BANP: variants seen among roughly 807,000 people sequenced by gnomAD.
The protein encoded by BANP is BTG3 associated nuclear protein.
Under a neutral mutation model 68.1 loss-of-function variants are expected in BANP, and 11 were observed. The ratio of observed to expected loss-of-function variants is 0.16; its 90% CI spans 0.10 to 0.27. The LOEUF is 0.27. BANP is among the 10% of genes least tolerant of loss of function. The pLI, the probability that BANP is intolerant of heterozygous loss-of-function variation, is 1.00. For synonymous variants in BANP, 329 were observed against 303.2 expected (o/e 1.09, Z -0.88); for missense variants, 504 against 722.7 (o/e 0.70, Z 3.47).
chr16:88,033,404 C>T (rs569463031), intron 9 of BANP, among the ~76,000 whole-genome samples, 159 bp downstream of exon 9: 2 of 152,288 alleles, frequency 1.3e-5, no homozygotes, highest in East Asian at 1.9e-4. Context: ...TCATCGTGGC[C>T]ATGAGCTCTT....
rs201112885 is a variant in BANP at position 88,035,308 on chromosome 16, C to T, written c.1201-15C>T. 1.2e-5 allele frequency: 20 copies of T among 1,600,584 alleles called. No individual in the cohort carries two copies. The highest frequency in any genetic ancestry group is 1.7e-6 in the Non-Finnish European group (2 of 1,173,720). ...ATTTTCTTCTGATGCTTCTTGGTGT[C>T]TTTTCTTGCTGCGGATCCCACAGGG... On this transcript the variant is annotated splice_polypyrimidine_tract_variant and intron_variant, in intron 9 of 13. Transcript: ENST00000682872.
intron 5 of BANP, among the ~76,000 whole-genome samples, chr16:88,005,797 G>C (rs1475884690): frequency 6.6e-6 from 1 of 152,244 alleles, no homozygotes; most frequent in Non-Finnish European, 1.5e-5. Context: ...GATGACTACT[G>C]AACTCAGAAG....
At chr16:87,980,058 G>T (rs2062957809) in intron 2 of BANP, among the ~76,000 whole-genome samples, 1 of 152,230 alleles carries the variant, frequency 6.6e-6, no homozygotes, top group African/African-American at 2.4e-5. Context: ...CCTCCCACAT[G>T]TATGCCGTTT....
intron 8 of BANP, among the ~76,000 whole-genome samples, chr16:88,030,194 C>T (rs1245737318): frequency 6.6e-6 from 1 of 152,206 alleles, no homozygotes; most frequent in African/African-American, 2.4e-5. Flanking sequence ...TCACAATCTC[C>T]AGTATCTAGT....
rs541169242 is a variant in BANP at position 87,972,456 on chromosome 16, G to A, written c.-68-2592G>A. On this transcript the variant is annotated intron_variant, in intron 1 of 13. Transcript: ENST00000682872. Reference sequence around the variant, plus strand: ...TCTTTTTAGTTTTCGTCTTTTTGGGGGATATATGTTTCTAGAATGTTTTCA... The same window carrying A: ...TCTTTTTAGTTTTCGTCTTTTTGGGAGATATATGTTTCTAGAATGTTTTCA... Among the ~76,000 whole-genome samples, 15 of 129,568 alleles carry A rather than the reference G, an allele frequency of 1.2e-4. No homozygotes were observed. In the East Asian group the frequency reaches 3.9e-3, roughly 34 times the overall value. 85.0% of individuals were successfully genotyped at this position (129,568 alleles called of 152,430 possible). A position where few individuals can be genotyped will look rare whatever the true frequency, so the allele number is the denominator to read the frequency against.
At chr16:88,029,199 T>C (rs1281744669) in intron 8 of BANP, among the ~76,000 whole-genome samples, 3 of 147,298 alleles carry the variant, frequency 2.0e-5, no homozygotes, top group Admixed American at 6.9e-5. Context: ...CCCAGCTACT[T>C]GGGAGGTTGA....
At chr16:88,041,574 G>A (rs1351933648) in intron 11 of BANP, among the ~76,000 whole-genome samples, 1 of 152,222 alleles carries the variant, frequency 6.6e-6, no homozygotes, top group Non-Finnish European at 1.5e-5. Context: ...CTTGCTGAGA[G>A]ATGGAATGCC....
intron 12 of BANP, among the ~76,000 whole-genome samples, chr16:88,067,574 C>A (rs984528242): frequency 6.6e-6 from 1 of 152,152 alleles, no homozygotes; most frequent in Non-Finnish European, 1.5e-5. Context: ...GCCAGAGTTT[C>A]AGAGTCCTTT....
At chr16:87,981,847 A>G (rs2063338275) in intron 3 of BANP, among the ~76,000 whole-genome samples, 1 of 152,240 alleles carries the variant, frequency 6.6e-6, no homozygotes, top group Admixed American at 6.5e-5. Context: ...GGAACTGCTC[A>G]TTCAGTGAAT....
chr16:88,061,911 G>A (rs1162681582), intron 11 of BANP, among the ~76,000 whole-genome samples: 2 of 151,836 alleles, frequency 1.3e-5, no homozygotes, highest in South Asian at 2.1e-4. Context: ...AGCCCGCCTC[G>A]GCCTCCCAAA....
At chr16:88,060,551 G>A (rs2152870047) in intron 11 of BANP, among the ~76,000 whole-genome samples, 1 of 152,312 alleles carries the variant, frequency 6.6e-6, no homozygotes, top group Non-Finnish European at 1.5e-5. Context: ...TATTTTTTGT[G>A]CCATACAGTA....
chr16:88,029,843 G>C (rs1449002580), intron 8 of BANP, among the ~76,000 whole-genome samples: 1 of 152,216 alleles, frequency 6.6e-6, no homozygotes, highest in Non-Finnish European at 1.5e-5. Context: ...GGAGGAGATG[G>C]GTTGGAGTTG....
chr16:87,973,413 A>G (rs2145694128), intron 1 of BANP, among the ~76,000 whole-genome samples: 1 of 152,326 alleles, frequency 6.6e-6, no homozygotes, highest in East Asian at 1.9e-4. Flanking sequence ...TCTATAAAGG[A>G]AGATTTAAGA....
chr16:88,037,835 G>A (rs1300657585), intron 10 of BANP, 138 bp from the exon 11 acceptor site: 6 of 767,164 alleles, frequency 7.8e-6, no homozygotes, highest in African/African-American at 3.5e-5. Flanking sequence ...TGTTGCTACT[G>A]GAGGTTGAAT....
chr16:88,022,325 C>A (rs902551733), intron 7 of BANP, among the ~76,000 whole-genome samples: 1 of 152,190 alleles, frequency 6.6e-6, no homozygotes, highest in Admixed American at 6.5e-5. Context: ...GGCCGTGCCA[C>A]CCTGAACACA....
rs1230874193 is a variant in BANP, at chr16:88,018,005, G to C, written c.656-423G>C. 6.6e-6 allele frequency among the ~76,000 whole-genome samples: 1 copy of C among 152,168 alleles called. No homozygotes were observed. The highest frequency in any genetic ancestry group is 2.4e-5 in the African/African-American group (1 of 41,448). On this transcript the variant is annotated intron_variant, in intron 6 of 13. Transcript: ENST00000682872. This position sits in a 1 kb window ranked among gnomAD's most constrained non-coding sequence, Gnocchi z 7.7. ...CCTCTGCGTCTTTCTTGGTGGGAGT[G>C]GCTGGCCAGTGGGAGAGCATGGCTG...
intron 11 of BANP, among the ~76,000 whole-genome samples, chr16:88,045,058 A>G (rs1304595829): frequency 6.6e-6 from 1 of 152,264 alleles, no homozygotes; most frequent in Non-Finnish European, 1.5e-5. Flanking sequence ...GATAAATCAA[A>G]AGATAATTGT....
intron 7 of BANP, among the ~76,000 whole-genome samples, chr16:88,023,278 G>C (rs1023445770): frequency 6.6e-6 from 1 of 152,118 alleles, no homozygotes; most frequent in Non-Finnish European, 1.5e-5. Context: ...GTGGCTGTGA[G>C]GGGCTCTCTG....
rs1325998822 is a variant in BANP, at chr16:88,005,676, AGCGAGCC to A, written c.480-413_480-407del. Among the ~76,000 whole-genome samples the A allele has an allele frequency of 5.9e-5, 9 of 152,222 alleles. No homozygotes were observed. In the East Asian group the frequency reaches 1.5e-3, roughly 26 times the overall value. On this transcript the variant is annotated intron_variant, in intron 5 of 13. Coordinates refer to ENST00000682872, the MANE Select transcript of BANP (RefSeq NM_001386991.1). ...CGCATTGCGAGGGGGAGCCATCTCC[AGCGAGCC>A]CAGCAGCGTGGATCGAATTGACCCA...
Sources: gnomAD v4.1 joint callset for allele counts (sites outside exome capture counted in the v4.1 genomes callset) on GRCh38, gnomAD v4.1.1 for gene constraint, Gnocchi (gnomAD v3.1) non-coding constraint, MANE v1.5 for transcripts, NCBI Gene and HGNC (gene_info 2026-07-23, HGNC 2026-07-21) for gene names.